The following DOCK9 variants were observed in gnomAD, a reference collection of about 807,000 sequenced individuals.
DOCK9 encodes dedicator of cytokinesis 9.
In DOCK9, 89 loss-of-function variants were observed where a neutral mutation model predicts 263.3. The observed-to-expected ratio is 0.34, with a 90% CI of 0.28 to 0.40. The LOEUF is 0.40. Among genes scored for constraint, DOCK9 ranks in the 10% least tolerant of loss-of-function variants. The pLI is 1.00. For missense variants in DOCK9, 2,140 were observed against 2,603.4 expected (o/e 0.82, Z 3.87); for synonymous variants, 976 against 973.1 (o/e 1.00, Z -0.06).
At chr13:98,932,378 G>A (rs560917292) in intron 2 of DOCK9, among the ~76,000 whole-genome samples, 1 of 151,090 alleles carries the variant, frequency 6.6e-6, no homozygotes, top group Non-Finnish European at 1.5e-5. Flanking sequence ...CTGGGCAACA[G>A]AGCAAGACTC....
chr13:98,872,590 A>G (rs2094216531), intron 27 of DOCK9, among the ~76,000 whole-genome samples: 2 of 152,216 alleles, frequency 1.3e-5, no homozygotes, highest in South Asian at 2.1e-4. Context: ...TCACATTTGC[A>G]GAGATGACGT....
intron 34 of DOCK9, among the ~76,000 whole-genome samples, chr13:98,853,723 G>C (rs11840257): frequency 0.022 from 3,291 of 152,172 alleles, 46 homozygotes; most frequent in East Asian, 0.045. Flanking sequence ...GGAAGCCCTA[G>C]CTTGTCTCCT....
intron 1 of DOCK9, among the ~76,000 whole-genome samples, chr13:99,056,685 G>A (rs1169037239): frequency 6.6e-6 from 1 of 152,188 alleles, no homozygotes; most frequent in Non-Finnish European, 1.5e-5. Flanking sequence ...ACCTGCTGGG[G>A]TGGCTGCCCG....
intron 1 of DOCK9, among the ~76,000 whole-genome samples, chr13:99,070,963 T>C (rs1331954372): frequency 6.6e-6 from 1 of 152,208 alleles, no homozygotes; most frequent in East Asian, 1.9e-4. Context: ...CATAAAAAAG[T>C]AAATAGTTCT....
chr13:99,012,078 A>C (rs543701806), intron 1 of DOCK9, among the ~76,000 whole-genome samples: 1 of 152,224 alleles, frequency 6.6e-6, no homozygotes, highest in South Asian at 2.1e-4. Flanking sequence ...AGCCTCCCAA[A>C]GTGCTGGGAC....
chr13:98,834,415 CT>C, intron 39 of DOCK9: 1 of 152,204 alleles, frequency 6.6e-6, no homozygotes, highest in Non-Finnish European at 1.5e-5. Flanking sequence ...CCTCATGTGT[CT>C]GCCGACCAGG....
At chr13:99,061,859 T>C (rs902996448) in intron 1 of DOCK9, among the ~76,000 whole-genome samples, 12 of 149,474 alleles carry the variant, frequency 8.0e-5, no homozygotes, top group Non-Finnish European at 1.8e-4. Flanking sequence ...AAAAGCTTTT[T>C]GTTTTTTGTT....
At chr13:98,941,930 T>C (rs1409504725) in intron 2 of DOCK9, among the ~76,000 whole-genome samples, 7 of 152,230 alleles carry the variant, frequency 4.6e-5, no homozygotes, top group South Asian at 2.1e-4. Flanking sequence ...TTCTCAAACA[T>C]CTGTGAGAAC....
rs372996206 is a variant in DOCK9, at chr13:98,807,731, T to C, written c.5444A>G (p.Gln1815Arg). The change falls in exon 48 of 53, where the codon CAG becomes CGG. Residue 1815 changes from glutamine (Q) to arginine (R), a missense_variant. By Grantham distance (43) the Gln-to-Arg change is conservative. This residue lies in a region of DOCK9 where 619 missense variants were observed against 861.8 expected (regional missense o/e 0.72). Transcript: ENST00000682017. The stretch of plus-strand genomic sequence containing the variant: ...ATCCGAGTACAGTTTAAGGAGTCTC[T>C]GAGAAATTTCCGACAGCGGTGTGAG... ...PKLTPLSEISQRLLKLYSDKF... is the reference protein window; with the variant it reads ...PKLTPLSEISRRLLKLYSDKF... 1.2e-6 allele frequency: 2 copies of C among 1,613,614 alleles called. No individual in the cohort carries two copies. Among genetic ancestry groups the C allele is most frequent in the Non-Finnish European group, 1.7e-6 (2 of 1,179,646 alleles).
chr13:98,940,616 A>G (rs1366497332), intron 2 of DOCK9, among the ~76,000 whole-genome samples: 1 of 152,132 alleles, frequency 6.6e-6, no homozygotes, highest in Non-Finnish European at 1.5e-5. Flanking sequence ...GGACTATTTG[A>G]GCCTAAGCTC....
intron 30 of DOCK9, chr13:98,867,046 G>A (rs187527250): frequency 3.3e-5 from 14 of 430,622 alleles, no homozygotes; most frequent in East Asian, 1.5e-4. Flanking sequence ...GAAAGCAAGC[G>A]TCATACCCCA....
At chr13:99,059,029 T>A (rs550702730) in intron 1 of DOCK9, among the ~76,000 whole-genome samples, 1 of 152,152 alleles carries the variant, frequency 6.6e-6, no homozygotes, top group Non-Finnish European at 1.5e-5. Context: ...TGGCCCAGTC[T>A]CCTGTGAGGT....
chr13:99,042,133 G>A (rs775028096), intron 1 of DOCK9, among the ~76,000 whole-genome samples: 5 of 152,206 alleles, frequency 3.3e-5, no homozygotes, highest in Admixed American at 6.5e-5. Context: ...TTTTCTGGTG[G>A]CCTTTAATTG....
At chr13:98,942,886 C>T (rs924320529) in intron 2 of DOCK9, among the ~76,000 whole-genome samples, 9 of 152,090 alleles carry the variant, frequency 5.9e-5, no homozygotes, top group South Asian at 4.1e-4. Context: ...TATCTACACA[C>T]GGAAAAGGTA....
intron 41 of DOCK9, among the ~76,000 whole-genome samples, chr13:98,830,626 G>A (rs1254640686): frequency 6.6e-6 from 1 of 152,112 alleles, no homozygotes; most frequent in African/African-American, 2.4e-5. Flanking sequence ...CTTCAACCAT[G>A]AGCCCCTATG....
intron 1 of DOCK9, among the ~76,000 whole-genome samples, chr13:99,083,809 G>A (rs1034237958): frequency 1.1e-5 from 1 of 93,450 alleles, no homozygotes; most frequent in Admixed American, 1.1e-4. Flanking sequence ...ATTTCATTTT[G>A]TTGTTTCTGA....
chr13:99,078,801 A>G (rs917789606), intron 1 of DOCK9, among the ~76,000 whole-genome samples: 1 of 152,238 alleles, frequency 6.6e-6, no homozygotes, highest in Non-Finnish European at 1.5e-5. Context: ...ATCACAGCAC[A>G]TTCTCAAATC....
chr13:98,906,354 G>A (rs116985817), intron 9 of DOCK9, among the ~76,000 whole-genome samples: 1 of 152,172 alleles, frequency 6.6e-6, no homozygotes, highest in Non-Finnish European at 1.5e-5. Flanking sequence ...ATGAGGGCTG[G>A]AGATGAAGGA....
In DOCK9 at chr13:98,993,397, C is replaced by A. The variant is rs191645498; in HGVS notation, c.130-37846G>T. ...CGCCTTCAAATCTACTTCACAGCAG[C>A]CTTTGAGAGGTAGGAAATTTTTTAA... On this transcript the variant is annotated intron_variant, in intron 1 of 32. Coordinates refer to the DOCK9 transcript ENST00000427887. Among the ~76,000 whole-genome samples, 539 of 152,226 alleles carry A rather than the reference C, an allele frequency of 3.5e-3. 4 individuals are homozygous for A. The highest frequency in any genetic ancestry group is 5.7e-3 in the Non-Finnish European group (386 of 68,024).
Sources: gnomAD v4.1 joint callset for allele counts (sites outside exome capture counted in the v4.1 genomes callset) on GRCh38, gnomAD v4.1.1 for gene constraint, gnomAD v4.1.1 regional missense constraint, MANE v1.5 for transcripts, NCBI Gene and HGNC (gene_info 2026-07-23, HGNC 2026-07-21) for gene names.